Variants in ECE1 observed in about 807,000 individuals in gnomAD.
ECE1 encodes the protein endothelin-converting enzyme 1.
Under a neutral mutation model 98.6 loss-of-function variants are expected in ECE1, and 35 were observed. The ratio of observed to expected loss-of-function variants is 0.35; its 90% confidence interval spans 0.27 to 0.47. The LOEUF (loss-of-function observed/expected upper bound fraction) is 0.47. Ranked by LOEUF, ECE1 falls within the 20% of genes least tolerant of loss-of-function variation. ECE1 has a pLI of 1.00. For missense variants in ECE1, 814 were observed against 1,025.3 expected (o/e 0.79, Z 2.81); for synonymous variants, 394 against 407.1 (o/e 0.97, Z 0.39).
At position 21,238,264 on chromosome 1, in the gene ECE1, G is replaced by A; in HGVS notation, c.1279-20C>T. 3.1e-6 allele frequency: 5 copies of A among 1,590,402 alleles called. No homozygotes were observed. The highest frequency in any genetic ancestry group is 4.3e-6 in the Non-Finnish European group (5 of 1,160,706). On this transcript the variant is annotated intron_variant, in intron 10 of 18. Coordinates refer to ENST00000374893, the MANE Select transcript of ECE1 (RefSeq NM_001397.3). ...ACAGGTCTGGAAAACACAAGTCAGG[G>A]GGCTCGCTGGGCCCCAGCCCTTTGT...
At chr1:21,267,794 T>A (rs987394836) in intron 4 of ECE1, among the ~76,000 whole-genome samples, 3 of 152,122 alleles carry the variant, frequency 2.0e-5, no homozygotes, top group African/African-American at 7.2e-5. Context: ...CCTTCCAATA[T>A]GCGCAGGAAG....
At position 21,247,254 on chromosome 1, in the gene ECE1, T is replaced by C. The variant is rs1262870103; in HGVS notation, c.1130A>G (p.Gln377Arg). The change falls in exon 9 of 19, where the codon CAG becomes CGG. Residue 377 changes from glutamine (Q) to arginine (R), a missense_variant. Transcript: ENST00000374893. ...IVVYDKEYLEQISTLINTTDR... is the reference protein window; with the variant it reads ...IVVYDKEYLERISTLINTTDR... ...GGTGGTGTTGATGAGAGTGGAGATC[T>C]GCTCAAGGTATTCCTTGTCATAGAC... 1.2e-6 allele frequency: 2 copies of C among 1,614,118 alleles called. No individual in the cohort carries two copies. The highest frequency in any genetic ancestry group is 1.7e-6 in the Non-Finnish European group (2 of 1,179,986).
At chr1:21,316,570 G>A (rs948715833) in intron 1 of ECE1, among the ~76,000 whole-genome samples, 8 of 152,056 alleles carry the variant, frequency 5.3e-5, no homozygotes, top group South Asian at 2.1e-4. Flanking sequence ...CACCATCCTC[G>A]GCCTGATTCC....
At chr1:21,314,697 C>T (rs761192329) in intron 1 of ECE1, among the ~76,000 whole-genome samples, 2 of 152,368 alleles carry the variant, frequency 1.3e-5, no homozygotes, top group African/African-American at 2.4e-5. Context: ...ACAGCTTTCA[C>T]GTGTTCCTAA....
At chr1:21,296,510 C>G (rs894410382) in intron 1 of ECE1, among the ~76,000 whole-genome samples, 12 of 151,936 alleles carry the variant, frequency 7.9e-5, no homozygotes, top group African/African-American at 2.9e-4. Flanking sequence ...AAGACCCTGT[C>G]TCAACTACAA....
At chr1:21,263,090 C>T (rs560471118) in intron 4 of ECE1, among the ~76,000 whole-genome samples, 4 of 152,260 alleles carry the variant, frequency 2.6e-5, no homozygotes, top group South Asian at 2.1e-4. Flanking sequence ...AGCAAGGCCC[C>T]GGGGAAGCTT....
At chr1:21,253,011 C>G (rs2098214617) in intron 8 of ECE1, among the ~76,000 whole-genome samples, 1 of 151,968 alleles carries the variant, frequency 6.6e-6, no homozygotes, top group Non-Finnish European at 1.5e-5. Flanking sequence ...AGAACACAGG[C>G]TTCAGGGGGC....
intron 3 of ECE1, among the ~76,000 whole-genome samples, chr1:21,276,183 G>A (rs1432826973): frequency 2.0e-5 from 3 of 151,842 alleles, no homozygotes; most frequent in South Asian, 4.1e-4. Context: ...CCAACACCAC[G>A]CCTGGCTAAT....
At chr1:21,279,057 AC>A (rs1277907141) in intron 3 of ECE1, 133 bp downstream of exon 3, 13 of 1,463,050 alleles carry the variant, frequency 8.9e-6, no homozygotes, top group African/African-American at 2.8e-5. Context: ...CAGCACCCAG[AC>A]CCCCCTGGGC....
Position 21,322,066 on chromosome 1 carries a change from G to A in ECE1, c.3+23310C>T, listed in dbSNP as rs1638977152. Among the ~76,000 whole-genome samples the A allele has an allele frequency of 6.6e-6, 1 of 152,158 alleles. No individual in the cohort carries two copies. The highest frequency in any genetic ancestry group is 2.1e-4 in the South Asian group (1 of 4,822). On this transcript the variant is annotated intron_variant, in intron 1 of 18. Coordinates refer to the ECE1 transcript ENST00000415912. This position sits in a 1 kb window ranked among gnomAD's most constrained non-coding sequence, Gnocchi z 4.1. ...CCCGGCCACCCTTTGGTCTGGTCTTGTCTCCCTCCTCCTCTGCCTGAAGCT... is the reference window on the plus strand; with the variant it reads ...CCCGGCCACCCTTTGGTCTGGTCTTATCTCCCTCCTCCTCTGCCTGAAGCT...
intron 1 of ECE1, among the ~76,000 whole-genome samples, chr1:21,337,850 C>T (rs1639332314): frequency 6.6e-6 from 1 of 152,180 alleles, no homozygotes; most frequent in African/African-American, 2.4e-5. Context: ...CATCAGTCTC[C>T]AAGGCCCACT....
At chr1:21,234,166 T>C (rs1242077432) in intron 13 of ECE1, among the ~76,000 whole-genome samples, 1 of 151,780 alleles carries the variant, frequency 6.6e-6, no homozygotes, top group Non-Finnish European at 1.5e-5. Context: ...TTTTGTATTT[T>C]TAGTAAAGAC....
At chr1:21,339,560 T>C (rs1435891270) in intron 1 of ECE1, among the ~76,000 whole-genome samples, 1 of 152,178 alleles carries the variant, frequency 6.6e-6, no homozygotes, top group Non-Finnish European at 1.5e-5. Flanking sequence ...AGAGCAGAGA[T>C]TACATTTAAG....
chr1:21,312,608 C>A (rs1020267226), intron 1 of ECE1, among the ~76,000 whole-genome samples: 2 of 151,346 alleles, frequency 1.3e-5, no homozygotes, highest in African/African-American at 4.9e-5. Context: ...CAAAGCAAGA[C>A]CCTGTCTCTT....
chr1:21,250,836 T>C (rs1245748641), intron 8 of ECE1, among the ~76,000 whole-genome samples: 3 of 152,040 alleles, frequency 2.0e-5, no homozygotes, highest in African/African-American at 7.2e-5. Context: ...TGAAACCCCA[T>C]CTCTACTAAA....
upstream of ECE1, among the ~76,000 whole-genome samples, chr1:21,290,646 G>A (rs1433206897): frequency 1.3e-5 from 2 of 152,340 alleles, no homozygotes. This position sits in a 1 kb window ranked among gnomAD's most constrained non-coding sequence, Gnocchi z 7.3. Context: ...CTAGCAGGCA[G>A]GAAAGGCCCT....
rs1020193898 is a variant in ECE1, at chr1:21,322,360, G to C, written c.3+23016C>G. ...AATGCTTCCATTCCCACAACCATGG[G>C]CACCTTGTGGAGGACTTGGTAGCCC... On this transcript the variant is annotated intron_variant, in intron 1 of 18. Coordinates refer to the ECE1 transcript ENST00000415912. The surrounding 1 kb of genome is among the most constrained non-coding windows in gnomAD (Gnocchi z 4.1). Among the ~76,000 whole-genome samples the C allele has an allele frequency of 1.3e-5, 2 of 152,182 alleles. No individual in the cohort carries two copies. The highest frequency in any genetic ancestry group is 2.9e-5 in the Non-Finnish European group (2 of 68,022).
intron 17 of ECE1, chr1:21,222,127 T>C (rs2098168209): frequency 4.2e-6 from 2 of 481,494 alleles, no homozygotes; most frequent in South Asian, 4.2e-5. Context: ...CCAAGATGCA[T>C]CTCAAACTTA....
chr1:21,257,639 A>G (rs761692520), intron 6 of ECE1, 49 bp from the exon 7 acceptor site: 1 of 1,593,506 alleles, frequency 6.3e-7, no homozygotes, highest in South Asian at 1.1e-5. Context: ...CAATGCGTGT[A>G]TCCACTGCAC....
Sources: allele counts gnomAD v4.1 joint callset (sites outside exome capture counted in the v4.1 genomes callset), GRCh38; gene constraint gnomAD v4.1.1; non-coding constraint Gnocchi (gnomAD v3.1); transcripts MANE v1.5; gene names NCBI Gene and HGNC (gene_info 2026-07-23, HGNC 2026-07-21).